Variants in LIMD1 observed in about 807,000 individuals in gnomAD.
LIMD1 encodes LIM domain containing 1, also known as LIM domain-containing protein 1.
Under a neutral mutation model 58.4 loss-of-function variants are expected in LIMD1, and 23 were observed. That is an observed-to-expected ratio of 0.39 (90% CI 0.28 to 0.56). The LOEUF is 0.56. Ranked by LOEUF, LIMD1 falls within the 20% of genes least tolerant of loss-of-function variation. The probability of loss-of-function intolerance (pLI) is 0.57; values close to 1 mark genes in which losing one functional copy is unlikely to be tolerated. For missense variants in LIMD1, 838 were observed against 855.5 expected, an observed-to-expected ratio of 0.98 and a Z score of 0.25; for synonymous variants, 334 against 345.5, an observed-to-expected ratio of 0.97 and a Z score of 0.37.
chr3:45,649,540 G>C (rs1019083557), intron 2 of LIMD1, among the ~76,000 whole-genome samples: 2 of 151,022 alleles, frequency 1.3e-5, no homozygotes, highest in African/African-American at 4.9e-5. Flanking sequence ...AATTAGCCGG[G>C]CATGGTGGCG....
intron 1 of LIMD1, among the ~76,000 whole-genome samples, chr3:45,607,108 G>A (rs756084334): frequency 2.2e-4 from 33 of 152,152 alleles, no homozygotes; most frequent in Admixed American, 1.2e-3. Flanking sequence ...ACCAAATTTT[G>A]GATGACACTG....
chr3:45,655,737 G>A (rs28651855), intron 2 of LIMD1, among the ~76,000 whole-genome samples: 12,996 of 152,156 alleles, frequency 0.085, 622 homozygotes, highest in East Asian at 0.15. Context: ...TTTATCCCTC[G>A]GCTATTCCAT....
intron 1 of LIMD1, chr3:45,632,659 G>A: frequency 3.8e-6 from 2 of 526,076 alleles, no homozygotes; most frequent in Non-Finnish European, 4.9e-6. Context: ...TTAAGACATG[G>A]CCCTTATTCT....
intron 1 of LIMD1, among the ~76,000 whole-genome samples, chr3:45,618,172 G>A (rs1701592417): frequency 6.6e-6 from 1 of 152,170 alleles, no homozygotes; most frequent in Admixed American, 6.6e-5. Context: ...GTGGTTGGAG[G>A]GAGGCAGGAG....
At chr3:45,656,126 C>T (rs901918668) in intron 2 of LIMD1, among the ~76,000 whole-genome samples, 5 of 152,204 alleles carry the variant, frequency 3.3e-5, no homozygotes, top group Non-Finnish European at 7.3e-5. Context: ...AGACAGCCAT[C>T]TGTAAATCAG....
At chr3:45,609,677 A>G (rs1701504919) in intron 1 of LIMD1, among the ~76,000 whole-genome samples, 1 of 152,220 alleles carries the variant, frequency 6.6e-6, no homozygotes, top group African/African-American at 2.4e-5. Flanking sequence ...AAGTAGTTCC[A>G]AGCCAGGATA....
intron 1 of LIMD1, among the ~76,000 whole-genome samples, chr3:45,600,855 G>C (rs1159650478): frequency 1.3e-5 from 2 of 152,152 alleles, no homozygotes; most frequent in Non-Finnish European, 2.9e-5. Context: ...CTTGAGCCCA[G>C]GAGTTTAAGA....
At chr3:45,641,363 G>T (rs931871891) in intron 2 of LIMD1, among the ~76,000 whole-genome samples, 10 of 151,842 alleles carry the variant, frequency 6.6e-5, no homozygotes, top group Non-Finnish European at 1.5e-4. Context: ...TCTTATCTTG[G>T]TTATTGATAG....
chr3:45,599,190 C>T (rs1260815433), intron 1 of LIMD1, among the ~76,000 whole-genome samples: 2 of 151,808 alleles, frequency 1.3e-5, no homozygotes, highest in African/African-American at 4.8e-5. Flanking sequence ...TAAAATTAAC[C>T]ATTTTGAAGT....
intron 2 of LIMD1, among the ~76,000 whole-genome samples, chr3:45,662,841 G>A (rs1442226888): frequency 6.6e-6 from 1 of 152,034 alleles, no homozygotes; most frequent in South Asian, 2.1e-4. Flanking sequence ...AAAATTAGCC[G>A]GGTATGGTGG....
chr3:45,611,325 C>T (rs1176691072), intron 1 of LIMD1, among the ~76,000 whole-genome samples: 27 of 152,242 alleles, frequency 1.8e-4, no homozygotes, highest in Admixed American at 1.7e-3. Flanking sequence ...AGCCTTAGAA[C>T]GAATCCGTTC....
chr3:45,637,722 A>C (rs569118287), intron 2 of LIMD1, among the ~76,000 whole-genome samples: 2 of 150,606 alleles, frequency 1.3e-5, no homozygotes, highest in East Asian at 2.0e-4. Context: ...AGAGATCCTA[A>C]TTCCCAGTAT....
chr3:45,606,076 T>C (rs1701465386), intron 1 of LIMD1, among the ~76,000 whole-genome samples: 1 of 152,192 alleles, frequency 6.6e-6, no homozygotes, highest in Non-Finnish European at 1.5e-5. Context: ...CTAAAATTGG[T>C]CTAGCAGTTT....
At chr3:45,597,901 G>A (rs1271949252) in intron 1 of LIMD1, among the ~76,000 whole-genome samples, 1 of 152,228 alleles carries the variant, frequency 6.6e-6, no homozygotes, top group South Asian at 2.1e-4. Context: ...GTGGGAGCCA[G>A]TTCTCACCCC....
At chr3:45,609,676 C>G (rs1313031457) in intron 1 of LIMD1, among the ~76,000 whole-genome samples, 1 of 152,216 alleles carries the variant, frequency 6.6e-6, no homozygotes, top group African/African-American at 2.4e-5. Context: ...AAAGTAGTTC[C>G]AAGCCAGGAT....
chr3:45,653,583 T>C (rs114454029), intron 2 of LIMD1, among the ~76,000 whole-genome samples: 6,035 of 152,278 alleles, frequency 0.04, 128 homozygotes, highest in African/African-American at 0.061. Context: ...CCAAACCAAA[T>C]TGATTTGTTT....
intron 2 of LIMD1, among the ~76,000 whole-genome samples, chr3:45,645,717 C>T (rs1045955275): frequency 2.6e-5 from 4 of 152,194 alleles, no homozygotes; most frequent in Non-Finnish European, 5.9e-5. Flanking sequence ...GCATTGTAGG[C>T]ACTCCTCAGG....
At chr3:45,614,511 T>A (rs1357205112) in intron 1 of LIMD1, among the ~76,000 whole-genome samples, 4 of 151,644 alleles carry the variant, frequency 2.6e-5, no homozygotes, top group African/African-American at 9.7e-5. Flanking sequence ...TTGCTTGAGC[T>A]TAGAGATTCA....
At chr3:45,667,630 A>G (rs571476392) in intron 3 of LIMD1, among the ~76,000 whole-genome samples, 1 of 151,240 alleles carries the variant, frequency 6.6e-6, no homozygotes, top group East Asian at 1.9e-4. Context: ...AGATAAGGTA[A>G]GGTAAAGTAG....
Sources: allele counts gnomAD v4.1 joint callset (sites outside exome capture counted in the v4.1 genomes callset), GRCh38; gene constraint gnomAD v4.1.1; transcripts MANE v1.5; gene names NCBI Gene and HGNC (gene_info 2026-07-23, HGNC 2026-07-21).